Variants in TGFB1 observed in about 807,000 individuals in gnomAD.
The protein encoded by TGFB1 is transforming growth factor beta-1 proprotein.
In TGFB1, 19 loss-of-function variants were observed where a neutral mutation model predicts 43.8. The observed-to-expected ratio is 0.43, with a 90% confidence interval of 0.30 to 0.64. The LOEUF (loss-of-function observed/expected upper bound fraction) is 0.64. TGFB1 is among the 30% of genes least tolerant of loss of function. The pLI is 0.11. For missense variants in TGFB1, 445 were observed against 529.8 expected, an observed-to-expected ratio of 0.84 and a Z score of 1.57; for synonymous variants, 221 against 236.3, an observed-to-expected ratio of 0.94 and a Z score of 0.60.
rs1387787638 is a variant in TGFB1, at chr19:41,353,344, G to C, written c.-300C>G. On this transcript the variant is annotated 5_prime_UTR_variant, in exon 1 of 7. Coordinates refer to ENST00000221930, the MANE Select transcript of TGFB1 (RefSeq NM_000660.7). This position sits in a 1 kb window ranked among gnomAD's most constrained non-coding sequence, Gnocchi z 5.9. ...CGTCTCCTGGAGGAGAAAGGGTCTAGGATGCGCGGGGGCTCAGGAGACAGG... is the reference window on the plus strand; with the variant it reads ...CGTCTCCTGGAGGAGAAAGGGTCTACGATGCGCGGGGGCTCAGGAGACAGG... The C allele has an allele frequency of 8.2e-6, 3 of 363,654 alleles. No homozygotes were observed. Among genetic ancestry groups the C allele is most frequent in the Non-Finnish European group, 1.5e-5 (3 of 200,842 alleles). 22.5% of individuals were successfully genotyped at this position (363,654 alleles called of 1,614,324 possible).
intron 2 of TGFB1, among the ~76,000 whole-genome samples, chr19:41,345,673 G>A (rs902210560): frequency 9.9e-5 from 15 of 151,638 alleles, no homozygotes; most frequent in African/African-American, 1.7e-4. Flanking sequence ...AGGCCAAGGC[G>A]GGTGGATCTC....
chr19:41,342,618 G>T (rs1380650809), intron 3 of TGFB1, among the ~76,000 whole-genome samples: 1 of 150,492 alleles, frequency 6.6e-6, no homozygotes, highest in Non-Finnish European at 1.5e-5. Flanking sequence ...AGGTTCAAAC[G>T]ATTCTCCTGC....
intron 5 of TGFB1, among the ~76,000 whole-genome samples, chr19:41,337,838 A>G (rs2038004877): frequency 6.6e-6 from 1 of 152,170 alleles, no homozygotes; most frequent in South Asian, 2.1e-4. Context: ...AATGGAAAAT[A>G]TACTTCCTCT....
intron 5 of TGFB1, 102 bp from the exon 6 acceptor site, chr19:41,332,383 C>A (rs147219478): frequency 2.1e-6 from 3 of 1,398,232 alleles, no homozygotes; most frequent in Non-Finnish European, 2.9e-6. Flanking sequence ...GTTGCCCCCC[C>A]AGCCCTATCT....
At chr19:41,335,522 C>T (rs2037979116) in intron 5 of TGFB1, among the ~76,000 whole-genome samples, 1 of 152,230 alleles carries the variant, frequency 6.6e-6, no homozygotes, top group Non-Finnish European at 1.5e-5. Flanking sequence ...AGGTGGCACC[C>T]CAGGCCACTG....
In TGFB1 at chr19:41,353,021, C is replaced by G. The variant is rs949185681; in HGVS notation, c.24G>C (p.Leu8=). 3 of 1,531,192 alleles carry G rather than the reference C, an allele frequency of 2.0e-6. No individual in the cohort carries two copies. Among genetic ancestry groups the G allele is most frequent in the Non-Finnish European group, 2.6e-6 (3 of 1,143,100 alleles). The allele number at this position is 1,531,192 out of a possible 1,614,324, so 94.9% of individuals were successfully genotyped here. A position where few individuals can be genotyped will look rare whatever the true frequency, so the allele number is the denominator to read the frequency against. MPPSGLR[L]LPLLLPLLWL... ...ACAGCAGCGGTAGCAGCAGCGGCAG[C>G]AGCCGCAGCCCGGAGGGCGGCATGG... The change falls in exon 1 of 7, where the codon CTG becomes CTC. Residue 8 remains leucine (L), a synonymous_variant. Coordinates refer to ENST00000221930, the MANE Select transcript of TGFB1 (RefSeq NM_000660.7). This position sits in a 1 kb window ranked among gnomAD's most constrained non-coding sequence, Gnocchi z 5.9.
chr19:41,335,138 C>T (rs1013032428), intron 5 of TGFB1, among the ~76,000 whole-genome samples: 6 of 151,672 alleles, frequency 4.0e-5, no homozygotes, highest in Non-Finnish European at 7.4e-5. Context: ...CTGCAACCTC[C>T]GTCTCCCGGG....
chr19:41,349,555 G>C, intron 1 of TGFB1, among the ~76,000 whole-genome samples: 1 of 152,168 alleles, frequency 6.6e-6, no homozygotes, highest in East Asian at 1.9e-4. Context: ...TCGGGAGTTC[G>C]AGACCAGCCT....
At chr19:41,352,462 G>C (rs2038215740) in intron 1 of TGFB1, among the ~76,000 whole-genome samples, 1 of 151,730 alleles carries the variant, frequency 6.6e-6, no homozygotes, top group African/African-American at 2.4e-5. Flanking sequence ...CTCTAGAAGC[G>C]GTCCACTTCG....
chr19:41,344,496 G>A (rs2038093540), intron 3 of TGFB1, among the ~76,000 whole-genome samples: 1 of 152,178 alleles, frequency 6.6e-6, no homozygotes, highest in African/African-American at 2.4e-5. Context: ...TATGAGCTCT[G>A]TGAGGGCAAG....
intron 1 of TGFB1, 21 bp downstream of exon 1, chr19:41,352,669 C>T: frequency 1.9e-6 from 3 of 1,611,764 alleles, no homozygotes; most frequent in Non-Finnish European, 2.5e-6. Flanking sequence ...CCTCCCGGCT[C>T]CCCTGCCCCT....
At chr19:41,343,635 C>T (rs1347982402) in intron 3 of TGFB1, among the ~76,000 whole-genome samples, 2 of 152,162 alleles carry the variant, frequency 1.3e-5, no homozygotes, top group Non-Finnish European at 2.9e-5. Context: ...GCCTCCCCAT[C>T]CCATTCTTGA....
At chr19:41,342,758 C>T (rs542074534) in intron 3 of TGFB1, among the ~76,000 whole-genome samples, 16 of 152,248 alleles carry the variant, frequency 1.1e-4, no homozygotes, top group Admixed American at 7.2e-4. Flanking sequence ...TCAGGTGATC[C>T]GCCTGCCTTG....
chr19:41,344,423 C>G (rs1027294981), intron 3 of TGFB1, among the ~76,000 whole-genome samples: 1 of 152,140 alleles, frequency 6.6e-6, no homozygotes, highest in East Asian at 1.9e-4. Flanking sequence ...CATCCCAGTC[C>G]CACCCACTCT....
chr19:41,333,835 C>T (rs1371720393), intron 5 of TGFB1, among the ~76,000 whole-genome samples: 1 of 152,166 alleles, frequency 6.6e-6, no homozygotes, highest in Admixed American at 6.5e-5. Flanking sequence ...ACTGTTAGTT[C>T]CATTTAGTGC....
At chr19:41,348,484 C>G (rs1191397703) in intron 1 of TGFB1, 29 bp from the exon 2 acceptor site, 1 of 1,609,450 alleles carries the variant, frequency 6.2e-7, no homozygotes, top group Non-Finnish European at 8.5e-7. Flanking sequence ...GGGAGGCGAT[C>G]AGGGGTTTGG....
chr19:41,347,514 C>A (rs867940842), intron 2 of TGFB1, among the ~76,000 whole-genome samples: 10 of 151,920 alleles, frequency 6.6e-5, no homozygotes, highest in African/African-American at 1.9e-4. Context: ...TCCTAGGATG[C>A]AAAGAGTCTG....
intron 5 of TGFB1, 135 bp downstream of exon 5, chr19:41,341,748 A>G (rs1304403923): frequency 7.9e-6 from 9 of 1,139,258 alleles, no homozygotes; most frequent in Non-Finnish European, 1.2e-5. Context: ...TCATCCCCTG[A>G]GCCCTCCAAG....
At chr19:41,338,835 CAA>C (rs61631301) in intron 5 of TGFB1, among the ~76,000 whole-genome samples, 25 of 118,716 alleles carry the variant, frequency 2.1e-4, no homozygotes, top group Admixed American at 2.6e-4. Flanking sequence ...ACTCTGTCTC[CAA>C]AAAAAAAAAA....
Sources: gnomAD v4.1 joint callset for allele counts (sites outside exome capture counted in the v4.1 genomes callset) on GRCh38, gnomAD v4.1.1 for gene constraint, Gnocchi (gnomAD v3.1) non-coding constraint, MANE v1.5 for transcripts, NCBI Gene and HGNC (gene_info 2026-07-23, HGNC 2026-07-21) for gene names.